CADPS: variants seen among roughly 807,000 people sequenced by gnomAD.
The protein encoded by CADPS is calcium dependent secretion activator.
Under a neutral mutation model 167.3 loss-of-function variants are expected in CADPS, and 57 were observed. The ratio of observed to expected loss-of-function variants is 0.34; its 90% confidence interval spans 0.28 to 0.42. The LOEUF (loss-of-function observed/expected upper bound fraction) is 0.42. CADPS is among the 20% of genes least tolerant of loss of function. CADPS has a pLI of 1.00. For missense variants in CADPS, 1,414 were observed against 1,738.1 expected, an observed-to-expected ratio of 0.81 and a Z score of 3.32; for synonymous variants, 676 against 635.3, an observed-to-expected ratio of 1.06 and a Z score of -0.96.
At chr3:62,570,238 T>TAAAA (rs34173907) in intron 9 of CADPS, among the ~76,000 whole-genome samples, 1 of 143,984 alleles carries the variant, frequency 6.9e-6, no homozygotes, top group Non-Finnish European at 1.5e-5. Context: ...TTGTTTCAGT[T>TAAAA]AAAAAAAAAA....
rs2057197855 is a variant in CADPS at position 62,446,215 on chromosome 3, G to A, written c.3637-418C>T. On this transcript the variant is annotated intron_variant, in intron 26 of 29. Transcript: ENST00000383710. The surrounding 1 kb of genome is among the most constrained non-coding windows in gnomAD (Gnocchi z 4.9). The stretch of plus-strand genomic sequence containing the variant: ...CCTAACTAAATAACTAAAAACCTCA[G>A]TTCTCAGCTTTCATTAACTCAGGTT... Among the ~76,000 whole-genome samples the A allele has an allele frequency of 6.6e-6, 1 of 152,182 alleles. No homozygotes were observed. The highest frequency in any genetic ancestry group is 6.6e-5 in the Admixed American group (1 of 15,266).
At chr3:62,613,094 C>A (rs1325631670) in intron 6 of CADPS, among the ~76,000 whole-genome samples, 1 of 152,156 alleles carries the variant, frequency 6.6e-6, no homozygotes, top group African/African-American at 2.4e-5. Flanking sequence ...AGACATGGTG[C>A]TTGAGCTGAG....
intron 8 of CADPS, among the ~76,000 whole-genome samples, chr3:62,583,751 G>T (rs1343013413): frequency 7.2e-6 from 1 of 138,414 alleles, no homozygotes; most frequent in African/African-American, 2.7e-5. Context: ...TGACTGGTAG[G>T]TCTTTGTTTT....
chr3:62,803,847 T>C (rs1422319461), intron 1 of CADPS, among the ~76,000 whole-genome samples: 1 of 152,132 alleles, frequency 6.6e-6, no homozygotes, highest in East Asian at 1.9e-4. Flanking sequence ...TCCTACATCC[T>C]CTCACCAGTG....
Position 62,491,574 on chromosome 3 carries a change from C to CACACAA in CADPS, c.2885-95_2885-94insTTGTGT, listed in dbSNP as rs1553815724. The CACACAA allele has an allele frequency of 7.0e-4, 688 of 979,388 alleles. 3 individuals carry two copies. The African/African-American group carries it at 9.8e-3, about 14-fold the overall frequency. The allele number at this position is 979,388 out of a possible 1,614,324, so 60.7% of individuals were successfully genotyped here. On this transcript the variant is annotated intron_variant, in intron 20 of 29. Coordinates refer to ENST00000383710, the MANE Select transcript of CADPS (RefSeq NM_003716.4). ...ACACACACAAACACACACACACACA[C>CACACAA]ACACACACACAGATGATTGATTGTC... is the stretch of plus-strand genomic sequence containing the variant.
At chr3:62,493,889 T>A (rs2064168229) in intron 18 of CADPS, among the ~76,000 whole-genome samples, 1 of 152,236 alleles carries the variant, frequency 6.6e-6, no homozygotes, top group Admixed American at 6.5e-5. Flanking sequence ...TAGCCTATAA[T>A]TGGACACTAA....
chr3:62,765,649 T>C (rs2086638224), intron 2 of CADPS, among the ~76,000 whole-genome samples: 1 of 152,238 alleles, frequency 6.6e-6, no homozygotes, highest in African/African-American at 2.4e-5. Flanking sequence ...CTCAGTATAT[T>C]GCCTGGTATA....
chr3:62,808,421 G>A (rs778988912), intron 1 of CADPS, among the ~76,000 whole-genome samples: 1 of 152,118 alleles, frequency 6.6e-6, no homozygotes, highest in Non-Finnish European at 1.5e-5. Flanking sequence ...TATTCTTAAA[G>A]TCTTCAGGGT....
chr3:62,496,058 TTTTTCTTTTC>T (rs1175682255), intron 18 of CADPS, among the ~76,000 whole-genome samples: 1 of 150,834 alleles, frequency 6.6e-6, no homozygotes, highest in African/African-American at 2.5e-5. Context: ...TAGTCTTTTG[TTTTTCTTTTC>T]TTTTCTTTTT....
rs113980023 is a variant in CADPS, at chr3:62,731,835, A to G, written c.888+21606T>C. Among the ~76,000 whole-genome samples the G allele has an allele frequency of 3.4e-3, 378 of 109,858 alleles. 1 individual carries two copies. Among genetic ancestry groups the G allele is most frequent in the African/African-American group, 5.6e-3 (144 of 25,712 alleles). The allele number at this position is 109,858 out of a possible 152,430, so 72.1% of individuals were successfully genotyped here. A position where few individuals can be genotyped will look rare whatever the true frequency, so the allele number is the denominator to read the frequency against. ...AAAAAAAAAAAAAAAAAAAAAGTAA[A>G]GAAGGAAGAAAGGAAAGAAAGGAAA... is the stretch of plus-strand genomic sequence containing the variant. On this transcript the variant is annotated intron_variant, in intron 3 of 29. Transcript: ENST00000383710.
intron 1 of CADPS, among the ~76,000 whole-genome samples, chr3:62,835,169 T>A (rs956969793): frequency 1.3e-5 from 2 of 152,152 alleles, no homozygotes. Flanking sequence ...ATTAGATCAC[T>A]TTTTTTAGTT....
intron 24 of CADPS, among the ~76,000 whole-genome samples, chr3:62,468,240 C>A (rs2060172038): frequency 6.6e-6 from 1 of 152,110 alleles, no homozygotes; most frequent in Admixed American, 6.6e-5. Flanking sequence ...GAGATAAGAT[C>A]CAGAATCACA....
intron 26 of CADPS, among the ~76,000 whole-genome samples, chr3:62,452,579 T>C (rs1234435286): frequency 6.6e-6 from 1 of 152,184 alleles, no homozygotes; most frequent in Non-Finnish European, 1.5e-5. Context: ...ATGAAATTAA[T>C]TGGAGGAGGA....
At chr3:62,871,229 G>T (rs974810150) in intron 1 of CADPS, among the ~76,000 whole-genome samples, 1 of 151,962 alleles carries the variant, frequency 6.6e-6, no homozygotes, top group Admixed American at 6.6e-5. Context: ...CTGTTCCTTC[G>T]GAAGTGTTCT....
At chr3:62,442,875 C>G (rs762771275) in intron 27 of CADPS, among the ~76,000 whole-genome samples, 5 of 152,050 alleles carry the variant, frequency 3.3e-5, no homozygotes, top group Non-Finnish European at 5.9e-5. Flanking sequence ...ATTTCAGAAG[C>G]AAATGATTAC....
chr3:62,515,499 G>A lies in CADPS; in HGVS notation c.2581+560C>T, dbSNP rs548626006. On this transcript the variant is annotated intron_variant, in intron 16 of 29. Coordinates refer to ENST00000383710, the MANE Select transcript of CADPS (RefSeq NM_003716.4). ...CAGTGGTAACAAGCATTTAAGGTCT[G>A]GAGTAACAAGAATGAATGAGATCTA... Among the ~76,000 whole-genome samples the A allele has an allele frequency of 2.0e-5, 3 of 152,154 alleles. No homozygotes were observed. In the East Asian group the frequency reaches 5.8e-4, roughly 29 times the overall value.
At chr3:62,744,697 G>T (rs955791983) in intron 3 of CADPS, among the ~76,000 whole-genome samples, 11 of 152,150 alleles carry the variant, frequency 7.2e-5, no homozygotes, top group African/African-American at 2.7e-4. Context: ...CAATTTTGTG[G>T]CTCAATGCAT....
intron 13 of CADPS, among the ~76,000 whole-genome samples, chr3:62,526,715 T>C (rs995121689): frequency 6.6e-6 from 1 of 152,224 alleles, no homozygotes; most frequent in African/African-American, 2.4e-5. Context: ...ATTTTCCTTT[T>C]TCTCCTGTCT....
intron 1 of CADPS, among the ~76,000 whole-genome samples, chr3:62,774,402 A>G (rs924072868): frequency 1.7e-4 from 26 of 152,216 alleles, no homozygotes; most frequent in Admixed American, 6.5e-5. Flanking sequence ...CATGTGGTCA[A>G]ATAAGGACTT....
Sources: gnomAD v4.1 joint callset for allele counts (sites outside exome capture counted in the v4.1 genomes callset) on GRCh38, gnomAD v4.1.1 for gene constraint, Gnocchi (gnomAD v3.1) non-coding constraint, MANE v1.5 for transcripts, NCBI Gene and HGNC (gene_info 2026-07-23, HGNC 2026-07-21) for gene names.